The following EEA1 variants were observed in gnomAD, a reference collection of about 807,000 sequenced individuals.
The protein encoded by EEA1 is early endosome antigen 1, 162kD.
A neutral mutation model predicts 209.2 loss-of-function variants in EEA1; 111 were observed. The observed-to-expected ratio is 0.53, with a 90% CI of 0.45 to 0.62. EEA1 has a LOEUF of 0.62. EEA1 is among the 20% of genes least tolerant of loss of function. The probability of loss-of-function intolerance (pLI) is 0.00; values close to 1 mark genes in which losing one functional copy is unlikely to be tolerated. For missense variants in EEA1, 1,343 were observed against 1,530.8 expected, an observed-to-expected ratio of 0.88 and a Z score of 2.05; for synonymous variants, 536 against 540.6, an observed-to-expected ratio of 0.99 and a Z score of 0.12.
chr12:92,866,254 A>T (rs762813442), intron 2 of EEA1, among the ~76,000 whole-genome samples: 46 of 151,562 alleles, frequency 3.0e-4, no homozygotes, highest in African/African-American at 4.8e-4. Context: ...AGATTTTTTT[A>T]AAATAGTAAT....
chr12:92,784,615 C>A (rs1306649606), intron 22 of EEA1, among the ~76,000 whole-genome samples: 1 of 152,114 alleles, frequency 6.6e-6, no homozygotes, highest in Non-Finnish European at 1.5e-5. Context: ...AAGTCAAGCT[C>A]AAAATTTGGA....
At chr12:92,923,327 G>A (rs956064642) in intron 1 of EEA1, among the ~76,000 whole-genome samples, 4 of 152,066 alleles carry the variant, frequency 2.6e-5, no homozygotes, top group Non-Finnish European at 4.4e-5. Flanking sequence ...CAGCCTGGGC[G>A]ACAGAGCGAG....
intron 18 of EEA1, among the ~76,000 whole-genome samples, chr12:92,804,301 G>A (rs946000584): frequency 6.6e-6 from 1 of 152,046 alleles, no homozygotes; most frequent in Non-Finnish European, 1.5e-5. Flanking sequence ...GGCCAGGCAC[G>A]GTGGCTCACG....
At chr12:92,879,220 A>ATT (rs1879035938) in intron 2 of EEA1, 1 of 142,578 alleles carries the variant, frequency 7.0e-6, no homozygotes, top group South Asian at 8.4e-5. Flanking sequence ...TTTTTTTTGT[A>ATT]TTTTGGAATA....
At chr12:92,785,678 A>T (rs914952861) in intron 22 of EEA1, among the ~76,000 whole-genome samples, 7 of 152,212 alleles carry the variant, frequency 4.6e-5, no homozygotes, top group Non-Finnish European at 1.0e-4. Flanking sequence ...CAGACTTTGA[A>T]TCAGAACTAA....
At position 92,851,237 on chromosome 12, in the gene EEA1, G is replaced by T; in HGVS notation, c.672C>A (p.Ala224=). 1.2e-6 allele frequency: 2 copies of T among 1,613,172 alleles called. No homozygotes were observed. Among genetic ancestry groups the T allele is most frequent in the Non-Finnish European group, 1.7e-6 (2 of 1,179,658 alleles). The change falls in exon 9 of 29, where the codon GCC becomes GCA. Residue 224 remains alanine (A), a synonymous_variant. Coordinates refer to ENST00000322349, the MANE Select transcript of EEA1 (RefSeq NM_003566.4). ...CTTGGACCAGTTCTTTCTTTAGCACGGCAACATCTTCTATACCAGGTCTCT... is the reference window on the plus strand; with the variant it reads ...CTTGGACCAGTTCTTTCTTTAGCACTGCAACATCTTCTATACCAGGTCTCT... ...LLQRPGIEDV[A]VLKKELVQVQ...
intron 3 of EEA1, chr12:92,858,487 G>T: frequency 9.9e-7 from 1 of 1,012,320 alleles, no homozygotes; most frequent in South Asian, 1.3e-5. Context: ...GGAGACCAGG[G>T]CTTGATGTTT....
At chr12:92,872,991 T>G (rs1411221543) in intron 2 of EEA1, among the ~76,000 whole-genome samples, 1 of 152,054 alleles carries the variant, frequency 6.6e-6, no homozygotes, top group African/African-American at 2.4e-5. Flanking sequence ...AGACTAGAAT[T>G]GAAAGCATCA....
chr12:92,922,404 G>A (rs1258187591), intron 1 of EEA1, among the ~76,000 whole-genome samples: 2 of 152,106 alleles, frequency 1.3e-5, no homozygotes, highest in Middle Eastern at 3.4e-3. Context: ...TCAAACTTTC[G>A]TTATCCCTAG....
At chr12:92,833,275 C>CAACA in intron 10 of EEA1, among the ~76,000 whole-genome samples, 1 of 152,176 alleles carries the variant, frequency 6.6e-6, no homozygotes, top group Admixed American at 6.5e-5. Context: ...ACAGCAATAT[C>CAACA]ATCCACTGTT....
At chr12:92,806,213 TAAATC>T (rs967509157) in intron 18 of EEA1, among the ~76,000 whole-genome samples, 2 of 151,926 alleles carry the variant, frequency 1.3e-5, no homozygotes, top group Non-Finnish European at 2.9e-5. Flanking sequence ...ACTGACAAAA[TAAATC>T]AAAAGCTTTT....
At chr12:92,879,483 A>C (rs1879048029) in intron 2 of EEA1, 1 of 324,946 alleles carries the variant, frequency 3.1e-6, no homozygotes, top group African/African-American at 2.2e-5. Flanking sequence ...AAATCATATT[A>C]TCATCTCAAT....
intron 16 of EEA1, 50 bp from the exon 17 acceptor site, chr12:92,811,484 T>C (rs1291308578): frequency 1.6e-6 from 2 of 1,257,402 alleles, no homozygotes; most frequent in Non-Finnish European, 2.1e-6. Context: ...TACTATATTG[T>C]AGTGGCCAAA....
At chr12:92,816,912 T>TAC (rs1875817050) in intron 14 of EEA1, among the ~76,000 whole-genome samples, 1 of 151,370 alleles carries the variant, frequency 6.6e-6, no homozygotes, top group African/African-American at 2.5e-5. Context: ...GCTTTTATTT[T>TAC]CATAATGGTA....
At chr12:92,802,085 G>T (rs1177976005) in intron 19 of EEA1, among the ~76,000 whole-genome samples, 6 of 151,980 alleles carry the variant, frequency 3.9e-5, no homozygotes, top group Admixed American at 1.3e-4. Flanking sequence ...ATTAAGAAAT[G>T]ATCACAATAG....
rs922088971 is a variant in EEA1 at position 92,894,766 on chromosome 12, G to C, written c.25-3045C>G. 2.0e-5 allele frequency among the ~76,000 whole-genome samples: 3 copies of C among 152,162 alleles called. No homozygotes were observed. In the South Asian group the frequency reaches 6.2e-4, roughly 32 times the overall value. On this transcript the variant is annotated intron_variant, in intron 1 of 28. Transcript: ENST00000322349. ...CAAAGTGAAGCAGCAAGTGATCATG[G>C]AGAAGCTGCAGCAAGTTATCCAGAA... is the stretch of plus-strand genomic sequence containing the variant.
chr12:92,851,084 A>C, intron 9 of EEA1, 27 bp downstream of exon 9: 1 of 1,607,384 alleles, frequency 6.2e-7, no homozygotes, highest in Non-Finnish European at 8.5e-7. Flanking sequence ...AATATGAATC[A>C]CATTTAAGTA....
In EEA1 at chr12:92,924,840, TAAAAAA is replaced by T. The variant is rs58741191; in HGVS notation, c.24+4197_24+4202del. Among the ~76,000 whole-genome samples the T allele has an allele frequency of 5.4e-5, 4 of 74,502 alleles. No individual in the cohort carries two copies. The Admixed American group carries it at 6.8e-4, about 13-fold the overall frequency. 48.9% of individuals were successfully genotyped at this position (74,502 alleles called of 152,430 possible). A position where few individuals can be genotyped will look rare whatever the true frequency, so the allele number is the denominator to read the frequency against. ...AATCTCTTCTTTATTCCTAACATGC[TAAAAAA>T]AAAAAAAAAAAAAAAAAAAACTACT... On this transcript the variant is annotated intron_variant, in intron 1 of 28. Coordinates refer to ENST00000322349, the MANE Select transcript of EEA1 (RefSeq NM_003566.4).
Position 92,826,305 on chromosome 12 carries a change from T to C in EEA1, c.1405-20A>G. 6.2e-7 allele frequency: 1 copy of C among 1,602,126 alleles called. No individual in the cohort carries two copies. The highest frequency in any genetic ancestry group is 8.5e-7 in the Non-Finnish European group (1 of 1,170,620). On this transcript the variant is annotated intron_variant, in intron 12 of 28. Transcript: ENST00000322349. ...CTTCAACTTAAAAAAATGTAGATTG[T>C]CAATTGAGAACTTAAAGGCATAATG... is the stretch of plus-strand genomic sequence containing the variant.
Sources: allele counts gnomAD v4.1 joint callset (sites outside exome capture counted in the v4.1 genomes callset), GRCh38; gene constraint gnomAD v4.1.1; transcripts MANE v1.5; gene names NCBI Gene and HGNC (gene_info 2026-07-23, HGNC 2026-07-21).